Variants in ECM2 observed in about 807,000 individuals in gnomAD.
ECM2 encodes the protein extracellular matrix protein 2, female organ and adipocyte specific.
ECM2 carries 57 observed loss-of-function variants against 67.5 expected under a neutral mutation model. That is an observed-to-expected ratio of 0.84 (90% CI 0.68 to 1.05). The LOEUF (loss-of-function observed/expected upper bound fraction) is 1.05. Ranked by LOEUF, ECM2 falls within the 50% of genes least tolerant of loss-of-function variation. ECM2 has a pLI of 0.00. For synonymous variants in ECM2, 258 were observed against 294.5 expected, an observed-to-expected ratio of 0.88 and a Z score of 1.27; for missense variants, 741 against 822.8, an observed-to-expected ratio of 0.90 and a Z score of 1.22.
At chr9:92,526,885 C>G (rs530533346) in intron 1 of ECM2, among the ~76,000 whole-genome samples, 1 of 152,254 alleles carries the variant, frequency 6.6e-6, no homozygotes, top group South Asian at 2.1e-4. Context: ...ACTGACTCAC[C>G]GGAGTGACTT....
chr9:92,517,827 G>A lies in ECM2; in HGVS notation c.341C>T (p.Ala114Val). 1.9e-6 allele frequency: 3 copies of A among 1,614,148 alleles called. No individual in the cohort carries two copies. Among genetic ancestry groups the A allele is most frequent in the Non-Finnish European group, 2.5e-6 (3 of 1,180,038 alleles). The change falls in exon 3 of 10, where the codon GCT becomes GTT. Residue 114 changes from alanine (A) to valine (V), a missense_variant. Ala to Val is a moderately conservative substitution (Grantham distance 64). Transcript: ENST00000344604. ...LVKGITMYNKAVWSPEPCTTC... is the reference protein window; with the variant it reads ...LVKGITMYNKVVWSPEPCTTC... ...AGTGCAGGGCTCAGGCGACCACACA[G>A]CTTTGTTGTACATGGTTATGCCCTT... is the stretch of plus-strand genomic sequence containing the variant.
At chr9:92,545,417 G>A in the ECM2 span, among the ~76,000 whole-genome samples, 8 of 152,294 alleles carry the variant, frequency 5.3e-5, no homozygotes, top group South Asian at 2.1e-4. Context: ...AGGGTGCGTC[G>A]GGTACCCCAG....
rs777469127 is a variant in ECM2 at position 92,514,938 on chromosome 9, G to T, written c.747C>A (p.Asp249Glu). 1.2e-6 allele frequency: 2 copies of T among 1,613,872 alleles called. No homozygotes were observed. Among genetic ancestry groups the T allele is most frequent in the Non-Finnish European group, 1.7e-6 (2 of 1,179,942 alleles). ...LYSEGDSRGG[D>E]RKQRPGEERR... ...TCTCCTCTCCAGGCCTCTGCTTTCT[G>T]TCTCCTCCTCTGCTGTCCCCCTCAC... The change falls in exon 4 of 10, where the codon GAC (aspartate) becomes GAA (glutamate). Residue 249 changes from aspartate to glutamate, a missense_variant. Physicochemically the swap from Asp to Glu is conservative, Grantham distance 45. Coordinates refer to ENST00000344604, the MANE Select transcript of ECM2 (RefSeq NM_001393.4).
At chr9:92,533,207 G>A (rs578134204) in intron 1 of ECM2, among the ~76,000 whole-genome samples, 4 of 146,346 alleles carry the variant, frequency 2.7e-5, no homozygotes, top group Non-Finnish European at 3.0e-5. Context: ...AGCTGAGGCA[G>A]GAGAATCACT....
chr9:92,558,075 G>T, the ECM2 span, among the ~76,000 whole-genome samples: 13 of 151,960 alleles, frequency 8.6e-5, no homozygotes, highest in Non-Finnish European at 4.4e-5. Flanking sequence ...CTTGCTTTGG[G>T]CTTTGCCTTT....
intron 6 of ECM2, among the ~76,000 whole-genome samples, chr9:92,507,931 C>T (rs993749460): frequency 2.0e-5 from 3 of 152,166 alleles, no homozygotes; most frequent in South Asian, 4.1e-4. Context: ...TCACCTTCAC[C>T]GTGCCTGCTT....
At chr9:92,519,286 T>C (rs1205036924) in intron 2 of ECM2, among the ~76,000 whole-genome samples, 5 of 152,238 alleles carry the variant, frequency 3.3e-5, no homozygotes, top group Admixed American at 2.0e-4. Context: ...AAAATTTCCA[T>C]GGCCTTTTTT....
At chr9:92,555,214 ATTTTTTTTTTTTTTTTTTTT>A in the ECM2 span, among the ~76,000 whole-genome samples, 1 of 63,440 alleles carries the variant, frequency 1.6e-5, no homozygotes, top group African/African-American at 8.3e-5. Flanking sequence ...TTTTTTGGAA[ATTTTTTTTTTTTTTTTTTTT>A]TTTTTTTTTT....
the ECM2 span, among the ~76,000 whole-genome samples, chr9:92,546,376 A>G: frequency 6.6e-6 from 1 of 152,180 alleles, no homozygotes; most frequent in Non-Finnish European, 1.5e-5. Context: ...GCTCTTTGCA[A>G]TAAATCTTGC....
chr9:92,502,118 ATCCT>A (rs754958250), intron 8 of ECM2, among the ~76,000 whole-genome samples: 272 of 152,276 alleles, frequency 1.8e-3, no homozygotes, highest in Admixed American at 5.0e-3. Context: ...CAGGGGAATA[ATCCT>A]TCATTCAAAC....
At chr9:92,501,718 G>A (rs1846688703) in intron 8 of ECM2, among the ~76,000 whole-genome samples, 1 of 152,178 alleles carries the variant, frequency 6.6e-6, no homozygotes, top group South Asian at 2.1e-4. Context: ...AGTGCCACAT[G>A]CTGCTGAGCC....
Position 92,496,129 on chromosome 9 carries a change from T to G in ECM2, c.*186A>C, listed in dbSNP as rs949734301. 1.6e-6 allele frequency: 2 copies of G among 1,237,278 alleles called. No individual in the cohort carries two copies. Among genetic ancestry groups the G allele is most frequent in the African/African-American group, 1.6e-5 (1 of 63,340 alleles). 76.6% of individuals were successfully genotyped at this position (1,237,278 alleles called of 1,614,324 possible). On this transcript the variant is annotated 3_prime_UTR_variant, in exon 10 of 10. Coordinates refer to ENST00000344604, the MANE Select transcript of ECM2 (RefSeq NM_001393.4). ...TGAGAGATTTTACCTTTACTATTAA[T>G]AAAACTCCTAGAGACTATACCTTTT...
chr9:92,539,699 C>T (rs1849272765), upstream of ECM2, among the ~76,000 whole-genome samples: 1 of 152,066 alleles, frequency 6.6e-6, no homozygotes, highest in African/African-American at 2.4e-5. Flanking sequence ...TAGGACTGAC[C>T]TCTTGGCCCA....
chr9:92,512,295 G>C (rs757106445), intron 4 of ECM2, among the ~76,000 whole-genome samples, 169 bp from the exon 5 acceptor site: 2 of 152,164 alleles, frequency 1.3e-5, no homozygotes, highest in African/African-American at 4.8e-5. Context: ...GTTCAGAAAA[G>C]TAACAAGCTG....
rs149261236 is a variant in ECM2, at chr9:92,497,297, T to C, written c.1932-814A>G. ...AAAAGGAATGAAGAAATTCTCTACA[T>C]ACTGATGGGGAGTGATATACTGATA... On this transcript the variant is annotated intron_variant, in intron 9 of 9. Transcript: ENST00000344604. Among the ~76,000 whole-genome samples the C allele has an allele frequency of 9.3e-5, 14 of 151,124 alleles. No individual in the cohort carries two copies. In the East Asian group the frequency reaches 2.7e-3, roughly 29 times the overall value.
At chr9:92,533,303 C>CAAAAAAAA (rs1174584000) in intron 1 of ECM2, among the ~76,000 whole-genome samples, 7 of 29,882 alleles carry the variant, frequency 2.3e-4, no homozygotes, top group Non-Finnish European at 2.8e-4. Context: ...CGGTCTCAAA[C>CAAAAAAAA]AAAAAAAAAA....
intron 5 of ECM2, among the ~76,000 whole-genome samples, chr9:92,511,464 G>C (rs1241190259): frequency 6.6e-6 from 1 of 150,492 alleles, no homozygotes; most frequent in African/African-American, 2.4e-5. Flanking sequence ...AGTCCAATCT[G>C]TATCTTTCAA....
chr9:92,509,955 T>C lies in ECM2; in HGVS notation c.1250A>G (p.Glu417Gly). 1 of 1,611,156 alleles carries C rather than the reference T, an allele frequency of 6.2e-7. No individual in the cohort carries two copies. Among genetic ancestry groups the C allele is most frequent in the Non-Finnish European group, 8.5e-7 (1 of 1,179,446 alleles). Residue 417 changes from glutamate (E) to glycine (G), a missense_variant, in exon 6 of 10, where the codon GAA becomes GGA. Coordinates refer to ENST00000344604, the MANE Select transcript of ECM2 (RefSeq NM_001393.4). ...QIPSQLPSTL[E>G]ELKVNENNLQ... ...ATTGTTCTCATTGACTTTAAGTTCT[T>C]CTAATGTAGATGGCAATTGTGAAGG...
Position 92,516,373 on chromosome 9 carries a change from C to T in ECM2, c.482-1170G>A, listed in dbSNP as rs113688316. On this transcript the variant is annotated intron_variant, in intron 3 of 9. Transcript: ENST00000344604. ...CTACCGTGCCCAGCCAGAGTGCATA[C>T]GTTTTCTTCCATCAAGATTTAAAAA... Among the ~76,000 whole-genome samples the T allele has an allele frequency of 2.4e-4, 36 of 152,182 alleles. 1 individual carries two copies. The highest frequency in any genetic ancestry group is 8.2e-4 in the African/African-American group (34 of 41,532).
Sources: gnomAD v4.1 joint callset for allele counts (sites outside exome capture counted in the v4.1 genomes callset) on GRCh38, gnomAD v4.1.1 for gene constraint, MANE v1.5 for transcripts, NCBI Gene and HGNC (gene_info 2026-07-23, HGNC 2026-07-21) for gene names.